Variants in DMRT1 observed in about 807,000 individuals in gnomAD.
DMRT1 encodes the protein doublesex- and mab-3-related transcription factor 1.
Under a neutral mutation model 32.3 loss-of-function variants are expected in DMRT1, and 7 were observed. The observed-to-expected ratio is 0.22, with a 90% CI of 0.12 to 0.41. The LOEUF is 0.41. Among genes scored for constraint, DMRT1 ranks in the 10% least tolerant of loss-of-function variants. The pLI is 1.00. For missense variants in DMRT1, 625 were observed against 500.5 expected (o/e 1.25, Z -2.37); for synonymous variants, 278 against 206.1 (o/e 1.35, Z -2.99).
intron 2 of DMRT1, among the ~76,000 whole-genome samples, chr9:884,302 A>G (rs992419507): frequency 2.0e-5 from 3 of 150,738 alleles, no homozygotes; most frequent in African/African-American, 7.3e-5. Context: ...CAGTAAGGGT[A>G]TTTATCATGT....
rs1007269009 is a variant in DMRT1, at chr9:968,205, G to A, written c.*66G>A. The A allele has an allele frequency of 2.5e-6, 4 of 1,591,788 alleles. No homozygotes were observed. The African/African-American group carries it at 5.4e-5, about 21-fold the overall frequency. ...GCTTATTCCACTTTCCATGGGGTTT[G>A]TTAATATTTTGCATTGACTCATACT... On this transcript the variant is annotated 3_prime_UTR_variant, in exon 5 of 5. Coordinates refer to ENST00000382276, the MANE Select transcript of DMRT1 (RefSeq NM_021951.3).
intron 2 of DMRT1, among the ~76,000 whole-genome samples, chr9:862,608 AT>A (rs1815768197): frequency 6.6e-6 from 1 of 151,912 alleles, no homozygotes; most frequent in Non-Finnish European, 1.5e-5. Context: ...TGGGTGAGAG[AT>A]TGATGGGAAG....
chr9:871,584 G>A (rs1345156109), intron 2 of DMRT1, among the ~76,000 whole-genome samples: 5 of 131,414 alleles, frequency 3.8e-5, no homozygotes, highest in East Asian at 2.3e-4. Context: ...CTCGTGATCC[G>A]CCCGCCTCTG....
chr9:925,363 T>C (rs1276929375), intron 4 of DMRT1, among the ~76,000 whole-genome samples: 1 of 152,218 alleles, frequency 6.6e-6, no homozygotes, highest in Non-Finnish European at 1.5e-5. Context: ...ACAGACATCT[T>C]GGATTTATGC....
chr9:955,454 C>T lies in DMRT1; in HGVS notation c.968-12531C>T, dbSNP rs148598756. 4.8e-3 allele frequency among the ~76,000 whole-genome samples: 737 copies of T among 152,276 alleles called. 4 individuals are homozygous for T. Among genetic ancestry groups the T allele is most frequent in the African/African-American group, 0.017 (693 of 41,560 alleles). On this transcript the variant is annotated intron_variant, in intron 4 of 4. Coordinates refer to ENST00000382276, the MANE Select transcript of DMRT1 (RefSeq NM_021951.3). ...GTGTGGTGGCTCACGCCTGTAATCC[C>T]AGCACTTTGGGAGGCTGAAGCAGGT...
rs191779116 is a variant in DMRT1 at position 931,743 on chromosome 9, G to A, written c.967+14836G>A. 4.6e-5 allele frequency among the ~76,000 whole-genome samples: 7 copies of A among 152,304 alleles called. No homozygotes were observed. The East Asian group carries it at 1.2e-3, about 25-fold the overall frequency. The stretch of plus-strand genomic sequence containing the variant: ...CTTAAAAGGACACTAGTCTTAGAGA[G>A]TATGACCTCATTTAACCCCAGTTAT... On this transcript the variant is annotated intron_variant, in intron 4 of 4. Coordinates refer to ENST00000382276, the MANE Select transcript of DMRT1 (RefSeq NM_021951.3).
chr9:870,729 T>TTTTTTTTTG (rs1589477423), intron 2 of DMRT1, among the ~76,000 whole-genome samples: 1 of 140,432 alleles, frequency 7.1e-6, no homozygotes, highest in Non-Finnish European at 1.5e-5. Flanking sequence ...TTTTTTTTTT[T>TTTTTTTTTG]GAGACAGGGT....
chr9:846,706 G>C (rs145689772), intron 1 of DMRT1, among the ~76,000 whole-genome samples: 1 of 152,304 alleles, frequency 6.6e-6, no homozygotes, highest in East Asian at 1.9e-4. Context: ...TCAAGCTCTT[G>C]AGTAGCTGGG....
intron 2 of DMRT1, among the ~76,000 whole-genome samples, chr9:882,374 G>C (rs575983154): frequency 7.2e-5 from 11 of 152,132 alleles, no homozygotes; most frequent in Non-Finnish European, 1.6e-4. Flanking sequence ...GTGCCTCGAA[G>C]CTCTTGTTGT....
At chr9:850,273 G>A (rs1478700843) in intron 2 of DMRT1, among the ~76,000 whole-genome samples, 1 of 152,190 alleles carries the variant, frequency 6.6e-6, no homozygotes, top group South Asian at 2.1e-4. Flanking sequence ...GATGCCAGCA[G>A]AATTAAACTA....
intron 3 of DMRT1, among the ~76,000 whole-genome samples, chr9:909,706 G>T (rs1003742305): frequency 2.3e-5 from 2 of 86,566 alleles, no homozygotes; most frequent in African/African-American, 1.0e-4. Context: ...AATACCAAGG[G>T]AGTTTTTTTG....
At chr9:855,847 G>T (rs1175099823) in intron 2 of DMRT1, among the ~76,000 whole-genome samples, 1 of 152,126 alleles carries the variant, frequency 6.6e-6, no homozygotes, top group Non-Finnish European at 1.5e-5. Flanking sequence ...TCAAACTCCT[G>T]GGCTCAAGTG....
At chr9:944,603 T>C (rs1421420277) in intron 4 of DMRT1, among the ~76,000 whole-genome samples, 1 of 152,218 alleles carries the variant, frequency 6.6e-6, no homozygotes, top group South Asian at 2.1e-4. Context: ...GAATTTCAGA[T>C]ATTTTGGTCC....
At chr9:858,853 CAAAAAAAAAA>C (rs1205538076) in intron 2 of DMRT1, among the ~76,000 whole-genome samples, 3 of 137,670 alleles carry the variant, frequency 2.2e-5, no homozygotes, top group Non-Finnish European at 3.1e-5. Flanking sequence ...CAGTCTGTCT[CAAAAAAAAAA>C]AAAAAAAATA....
In DMRT1 at chr9:934,414, C is replaced by G. The variant is rs148969173; in HGVS notation, c.967+17507C>G. On this transcript the variant is annotated intron_variant, in intron 4 of 4. Transcript: ENST00000382276. Reference sequence around the variant, plus strand: ...GATGTGATGGCATGCATCTGTAGTCCTAGCTATTCAGGAGGCTGAGGGAGG... The same window carrying G: ...GATGTGATGGCATGCATCTGTAGTCGTAGCTATTCAGGAGGCTGAGGGAGG... Among the ~76,000 whole-genome samples, 130 of 152,270 alleles carry G rather than the reference C, an allele frequency of 8.5e-4. 2 individuals are homozygous for G. In the East Asian group the frequency reaches 0.022, roughly 26 times the overall value.
At chr9:855,316 CAAAT>C (rs1363067056) in intron 2 of DMRT1, among the ~76,000 whole-genome samples, 3 of 152,112 alleles carry the variant, frequency 2.0e-5, no homozygotes, top group Non-Finnish European at 2.9e-5. Flanking sequence ...GTTAAAGTTA[CAAAT>C]AAATTTTATA....
intron 2 of DMRT1, among the ~76,000 whole-genome samples, chr9:862,177 C>T (rs527510303): frequency 6.6e-6 from 1 of 150,930 alleles, no homozygotes; most frequent in Non-Finnish European, 1.5e-5. Context: ...TTGTAGCGAG[C>T]CGAGATCACG....
intron 2 of DMRT1, among the ~76,000 whole-genome samples, chr9:849,557 G>T (rs572782656): frequency 1.3e-5 from 2 of 152,202 alleles, no homozygotes; most frequent in African/African-American, 4.8e-5. Context: ...CTCTCACAAG[G>T]GTGTTTCAGA....
intron 3 of DMRT1, among the ~76,000 whole-genome samples, chr9:912,670 A>G (rs1818030606): frequency 6.6e-6 from 1 of 152,098 alleles, no homozygotes. Flanking sequence ...TAGCCAGTCT[A>G]TTTGTCAGAT....
Sources: allele counts gnomAD v4.1 joint callset (sites outside exome capture counted in the v4.1 genomes callset), GRCh38; gene constraint gnomAD v4.1.1; transcripts MANE v1.5; gene names NCBI Gene and HGNC (gene_info 2026-07-23, HGNC 2026-07-21).